MYH8: variants seen among roughly 807,000 people sequenced by gnomAD.
The protein encoded by MYH8 is myosin-8.
In MYH8, 168 loss-of-function variants were observed where a neutral mutation model predicts 233.2. That is an observed-to-expected ratio of 0.72 (90% confidence interval 0.64 to 0.82). The LOEUF (loss-of-function observed/expected upper bound fraction) is 0.82, where lower values mean the gene tolerates loss of function less well. Among genes scored for constraint, MYH8 ranks in the 40% least tolerant of loss-of-function variants. The pLI, the probability that MYH8 is intolerant of heterozygous loss-of-function variation, is 0.00. For synonymous variants in MYH8, 785 were observed against 850.6 expected (o/e 0.92, Z 1.34); for missense variants, 1,995 against 2,327.8 (o/e 0.86, Z 2.94).
Position 10,417,312 on chromosome 17 carries a change from A to T in MYH8, c.511+1333T>A, listed in dbSNP as rs1026938949. 2.6e-5 allele frequency among the ~76,000 whole-genome samples: 4 copies of T among 152,232 alleles called. No individual in the cohort carries two copies. Among genetic ancestry groups the T allele is most frequent in the East Asian group, 1.9e-4 (1 of 5,204 alleles). On this transcript the variant is annotated intron_variant, in intron 5 of 39. Coordinates refer to ENST00000403437, the MANE Select transcript of MYH8 (RefSeq NM_002472.3). The surrounding 1 kb of genome is among the most constrained non-coding windows in gnomAD (Gnocchi z 4.1). ...TCAGGGAAAATAGATATAAATCTGG[A>T]TGTTATTTAGATGTAGATATAGACA...
In MYH8 at chr17:10,404,767, G is replaced by A. The variant is rs72816704; in HGVS notation, c.2433-182C>T. Among the ~76,000 whole-genome samples, 30,049 of 151,134 alleles carry A rather than the reference G, an allele frequency of 0.2. 3,741 individuals carry two copies. The highest frequency in any genetic ancestry group is 0.28 in the Non-Finnish European group (18,923 of 67,764). On this transcript the variant is annotated intron_variant, in intron 21 of 39. Transcript: ENST00000403437. ...CACACACACATGTACACACATTCTC[G>A]CGCTCACACTCATGGTCAGTAGCCC...
chr17:10,390,814 A>G (rs2072014505), intron 39 of MYH8, among the ~76,000 whole-genome samples: 1 of 152,268 alleles, frequency 6.6e-6, no homozygotes, highest in Non-Finnish European at 1.5e-5. Flanking sequence ...ACAGCCTCAT[A>G]TAAAGCCCAT....
At chr17:10,395,549 G>A in intron 33 of MYH8, 108 bp from the exon 34 acceptor site, 1 of 1,082,964 alleles carries the variant, frequency 9.2e-7, no homozygotes, top group Non-Finnish European at 1.4e-6. Flanking sequence ...ATTTTACAAA[G>A]TATAATACAG....
In MYH8 at chr17:10,390,386, A is replaced by C; in HGVS notation, c.*68T>G. 1.3e-6 allele frequency: 2 copies of C among 1,587,592 alleles called. No homozygotes were observed. The highest frequency in any genetic ancestry group is 2.2e-5 in the South Asian group (2 of 90,440). ...TTTAACAGGAAAATAAACGTCATAAAGCAAGTGACCAAAAATAGCACATTT... is the reference window on the plus strand; with the variant it reads ...TTTAACAGGAAAATAAACGTCATAACGCAAGTGACCAAAAATAGCACATTT... On this transcript the variant is annotated 3_prime_UTR_variant, in exon 40 of 40. Transcript: ENST00000403437.
chr17:10,411,053 A>C, intron 14 of MYH8, 106 bp from the exon 15 acceptor site: 1 of 1,572,014 alleles, frequency 6.4e-7, no homozygotes, highest in African/African-American at 1.4e-5. Context: ...TAGTAATGAG[A>C]TACAGTTAAA....
chr17:10,418,545 A>G, intron 5 of MYH8, 100 bp downstream of exon 5: 1 of 1,604,304 alleles, frequency 6.2e-7, no homozygotes, highest in Non-Finnish European at 8.5e-7. Context: ...CCATGTGGCT[A>G]GAATGTATTA....
At chr17:10,409,673 A>G in intron 15 of MYH8, 85 bp from the exon 16 acceptor site, 1 of 1,537,984 alleles carries the variant, frequency 6.5e-7, no homozygotes, top group Non-Finnish European at 8.9e-7. Context: ...TTGAATTATG[A>G]GCACCCCAAT....
At position 10,398,791 on chromosome 17, in the gene MYH8, G is replaced by A. The variant is rs759292164; in HGVS notation, c.3958C>T (p.His1320Tyr). 1 of 1,614,032 alleles carries A rather than the reference G, an allele frequency of 6.2e-7. No individual in the cohort carries two copies. The highest frequency in any genetic ancestry group is 8.5e-7 in the Non-Finnish European group (1 of 1,179,982). Reference protein sequence around the residue: ...ASTQQIEELKHQLEEETKAKN... With the variant: ...ASTQQIEELKYQLEEETKAKN... ...ACTTTAGTTTCTTCCTCTAGTTGAT[G>A]TTTCAGCTCTTCAATCTGCTGAGTA... is the stretch of plus-strand genomic sequence containing the variant. The change falls in exon 29 of 40, where the codon CAT becomes TAT. Residue 1320 changes from histidine (H) to tyrosine (Y), a missense_variant. His to Tyr is a moderately conservative substitution (Grantham distance 83, BLOSUM62 2). Coordinates refer to ENST00000403437, the MANE Select transcript of MYH8 (RefSeq NM_002472.3).
chr17:10,406,660 T>A (rs2142180535), intron 19 of MYH8, 30 bp downstream of exon 19: 1 of 1,564,096 alleles, frequency 6.4e-7, no homozygotes, highest in Admixed American at 1.7e-5. Context: ...TAATTCACAG[T>A]GTTAATGAAA....
At chr17:10,421,415 G>A (rs1356211796) in intron 2 of MYH8, among the ~76,000 whole-genome samples, 3 of 152,182 alleles carry the variant, frequency 2.0e-5, no homozygotes, top group African/African-American at 7.2e-5. Flanking sequence ...AAGCACAGCT[G>A]AGAACTCACT....
In MYH8 at chr17:10,406,918, A is replaced by G; in HGVS notation, c.2027T>C (p.Ile676Thr). 6.2e-7 allele frequency: 1 copy of G among 1,614,142 alleles called. No homozygotes were observed. The highest frequency in any genetic ancestry group is 8.5e-7 in the Non-Finnish European group (1 of 1,179,984). The change falls in exon 18 of 40, where the codon ATC (isoleucine) becomes ACC (threonine). Residue 676 changes from isoleucine to threonine, a missense_variant. Physicochemically the swap from Ile to Thr is moderately conservative, Grantham distance 89. Around this residue, in one of 3 missense-constraint regions of MYH8, gnomAD observed 1,498 missense variants for 1,680.9 expected, o/e 0.89. Transcript: ENST00000403437. ...AGGAGTTTTGGTTTCATTGGGAATG[A>G]TACACCGTACGAAGTGAGGGTGTGT... ...RSTHPHFVRC[I>T]IPNETKTPGA...
At chr17:10,393,991 C>CTTTTTTTTTTTTTTTT (rs35512526) in intron 35 of MYH8, among the ~76,000 whole-genome samples, 1 of 35,992 alleles carries the variant, frequency 2.8e-5, no homozygotes, top group African/African-American at 1.2e-4. Flanking sequence ...AAAGTAATAG[C>CTTTTTTTTTTTTTTTT]TTTTTTTTTT....
intron 12 of MYH8, among the ~76,000 whole-genome samples, chr17:10,413,039 T>C (rs2072258799): frequency 2.0e-5 from 3 of 152,220 alleles, no homozygotes; most frequent in African/African-American, 7.2e-5. Context: ...TTAAGACACA[T>C]TAGGTGTAGT....
At chr17:10,399,858 T>C (rs1035924442) in intron 27 of MYH8, among the ~76,000 whole-genome samples, 189 bp from the exon 28 acceptor site, 14 of 152,232 alleles carry the variant, frequency 9.2e-5, no homozygotes, top group African/African-American at 3.4e-4. Context: ...TGGTCATTGT[T>C]GGAGACCATT....
chr17:10,412,682 T>G lies in MYH8; in HGVS notation c.1194A>C (p.Leu398=), dbSNP rs147454129. 7.9e-5 allele frequency: 128 copies of G among 1,614,220 alleles called. No homozygotes were observed. In the African/African-American group the frequency reaches 1.5e-3, roughly 19 times the overall value. ...CCCTAGGGTAGCAGAGGGCTTTGAGTAGGTCTGCAGAGTTCAGACTCTGGA... is the reference window on the plus strand; with the variant it reads ...CCCTAGGGTAGCAGAGGGCTTTGAGGAGGTCTGCAGAGTTCAGACTCTGGA... The part of the protein sequence containing the change: ...AYLQSLNSAD[L]LKALCYPRVK... The change falls in exon 13 of 40, where the codon CTA becomes CTC. Residue 398 remains leucine (L), a synonymous_variant. Transcript: ENST00000403437.
rs765715898 is a variant in MYH8 at position 10,393,183 on chromosome 17, T to C, written c.5194A>G (p.Lys1732Glu). ...AGTTGGGAAACGTCATTTTCTAATT[T>C]CTTCTTGGTGTTAATGAGACTGGTA... ...QNTSLINTKK[K>E]LENDVSQLQS... is the part of the protein sequence containing the mutation. Residue 1732 changes from lysine (K) to glutamate (E), a missense_variant, in exon 36 of 40, where the codon AAA becomes GAA. By Grantham distance (56) the Lys-to-Glu change is moderately conservative. Around this residue, in one of 3 missense-constraint regions of MYH8, gnomAD observed 1,498 missense variants for 1,680.9 expected, o/e 0.89. Transcript: ENST00000403437. 11 of 1,614,116 alleles carry C rather than the reference T, an allele frequency of 6.8e-6. No homozygotes were observed. Among genetic ancestry groups the C allele is most frequent in the Admixed American group, 1.7e-5 (1 of 60,010 alleles).
rs201768657 is a variant in MYH8, at chr17:10,398,847, A to G, written c.3902T>C (p.Val1301Ala). The stretch of plus-strand genomic sequence containing the variant: ...TTGCTTGCTCCTTGAAAGCTGAGAG[A>G]CTAAAGCATCTTTCTCATCTAATTG... ...SRQLDEKDAL[V>A]SQLSRSKQAS... The change falls in exon 29 of 40, where the codon GTC becomes GCC. Residue 1301 changes from valine to alanine, a missense_variant. Around this residue, in one of 3 missense-constraint regions of MYH8, gnomAD observed 1,498 missense variants for 1,680.9 expected, o/e 0.89. Transcript: ENST00000403437. The G allele has an allele frequency of 9.9e-6, 16 of 1,613,790 alleles. No homozygotes were observed. Among genetic ancestry groups the G allele is most frequent in the Non-Finnish European group, 1.4e-5 (16 of 1,180,006 alleles).
In MYH8 at chr17:10,392,528, G is replaced by C; in HGVS notation, c.5568+14C>G. On this transcript the variant is annotated intron_variant, in intron 38 of 39. Transcript: ENST00000403437. Reference sequence around the variant, plus strand: ...GCAGGAAGAGTGGATATTCTGGAAGGCTATTCCCTTTACCTGGTAGGTGAG... The same window carrying C: ...GCAGGAAGAGTGGATATTCTGGAAGCCTATTCCCTTTACCTGGTAGGTGAG... 6.2e-7 allele frequency: 1 copy of C among 1,604,974 alleles called. No individual in the cohort carries two copies. Among genetic ancestry groups the C allele is most frequent in the Non-Finnish European group, 8.5e-7 (1 of 1,171,698 alleles).
intron 22 of MYH8, among the ~76,000 whole-genome samples, chr17:10,402,144 T>TC (rs2072148850): frequency 1.3e-5 from 2 of 152,168 alleles, no homozygotes; most frequent in African/African-American, 2.4e-5. Flanking sequence ...TTCCTTTCAT[T>TC]CTCAATTTTG....
Sources: allele counts gnomAD v4.1 joint callset (sites outside exome capture counted in the v4.1 genomes callset), GRCh38; gene constraint gnomAD v4.1.1; regional missense constraint gnomAD v4.1.1; non-coding constraint Gnocchi (gnomAD v3.1); transcripts MANE v1.5; gene names NCBI Gene and HGNC (gene_info 2026-07-23, HGNC 2026-07-21).